Variants in IP6K2 observed in about 807,000 individuals in gnomAD.
The protein encoded by IP6K2 is inositol hexakisphosphate kinase 2.
IP6K2 carries 9 observed loss-of-function variants against 43.3 expected under a neutral mutation model. The observed-to-expected ratio is 0.21, with a 90% confidence interval of 0.13 to 0.36. The LOEUF is 0.36. Ranked by LOEUF, IP6K2 falls within the 10% of genes least tolerant of loss-of-function variation. IP6K2 has a pLI of 1.00. For missense variants in IP6K2, 332 were observed against 538.4 expected (o/e 0.62, Z 3.79); for synonymous variants, 209 against 202.4 (o/e 1.03, Z -0.28).
intron 3 of IP6K2, among the ~76,000 whole-genome samples, chr3:48,692,508 C>T (rs908046909): frequency 6.6e-6 from 1 of 152,338 alleles, no homozygotes; most frequent in East Asian, 1.9e-4. Context: ...ATTACATGTA[C>T]TTTACTTTAT....
chr3:48,697,155 G>C (rs1054114300), intron 1 of IP6K2, among the ~76,000 whole-genome samples: 3 of 151,758 alleles, frequency 2.0e-5, no homozygotes, highest in Non-Finnish European at 4.4e-5. Context: ...TGAGTAGCTG[G>C]GACTACAGGC....
Position 48,695,301 on chromosome 3 carries a change from G to A in IP6K2, c.-10C>T, listed in dbSNP as rs748720088. 8 of 1,598,366 alleles carry A rather than the reference G, an allele frequency of 5.0e-6. No homozygotes were observed. The highest frequency in any genetic ancestry group is 1.7e-5 in the Admixed American group (1 of 58,728). ...TGAAGGCTGGGCTCATCCTCCGGGC[G>A]CAGATGGCGGGGAGATGGGGGAGGC... On this transcript the variant is annotated 5_prime_UTR_variant, in exon 2 of 6. Transcript: ENST00000328631. This position sits in a 1 kb window ranked among gnomAD's most constrained non-coding sequence, Gnocchi z 4.6.
intron 1 of IP6K2, among the ~76,000 whole-genome samples, chr3:48,702,010 C>T (rs1337924497): frequency 6.6e-6 from 1 of 152,208 alleles, no homozygotes; most frequent in Non-Finnish European, 1.5e-5. Context: ...ATCTGCCTCA[C>T]TTTGAGTATC....
chr3:48,693,795 C>T, intron 2 of IP6K2: 2 of 1,065,606 alleles, frequency 1.9e-6, no homozygotes, highest in Non-Finnish European at 2.3e-6. Context: ...TTTTATTGGT[C>T]TTTGCAGTCT....
Position 48,695,551 on chromosome 3 carries a change from C to CCACCCACCTTGG in IP6K2, c.-130-142_-130-131dup. On this transcript the variant is annotated intron_variant, in intron 1 of 5. Transcript: ENST00000328631. This position sits in a 1 kb window ranked among gnomAD's most constrained non-coding sequence, Gnocchi z 4.6. ...GAGTTCTTGCGGGACTCCGCCCATG[C>CCACCCACCTTGG]CACCCACCTTGGCCCCCGCCTTCTC... 1 of 1,209,758 alleles carries CCACCCACCTTGG rather than the reference C, an allele frequency of 8.3e-7. No homozygotes were observed. The highest frequency in any genetic ancestry group is 1.0e-6 in the Non-Finnish European group (1 of 955,610). 74.9% of individuals were successfully genotyped at this position (1,209,758 alleles called of 1,614,324 possible). A position where few individuals can be genotyped will look rare whatever the true frequency, so the allele number is the denominator to read the frequency against.
chr3:48,711,484 T>C (rs1041990160), intron 1 of IP6K2: 3 of 152,192 alleles, frequency 2.0e-5, no homozygotes, highest in African/African-American at 7.2e-5. Context: ...GACACTTTTA[T>C]CCTCATGCTC....
At position 48,688,054 on chromosome 3, in the gene IP6K2, A is replaced by G. The variant is rs1170827211; in HGVS notation, c.*219T>C. ...GAACATATACACTCAGGGAAGAAAG[A>G]GGTATCATCATCAAATGTGGAATGT... is the stretch of plus-strand genomic sequence containing the variant. On this transcript the variant is annotated 3_prime_UTR_variant, in exon 6 of 6. Transcript: ENST00000328631. The surrounding 1 kb of genome is among the most constrained non-coding windows in gnomAD (Gnocchi z 5.1). The G allele has an allele frequency of 1.7e-6, 1 of 587,234 alleles. No homozygotes were observed. Among genetic ancestry groups the G allele is most frequent in the Non-Finnish European group, 3.0e-6 (1 of 329,234 alleles). The allele number at this position is 587,234 out of a possible 1,614,324, so 36.4% of individuals were successfully genotyped here.
chr3:48,697,957 A>C (rs1233659157), intron 1 of IP6K2, among the ~76,000 whole-genome samples: 1 of 152,242 alleles, frequency 6.6e-6, no homozygotes, highest in Non-Finnish European at 1.5e-5. Flanking sequence ...GCTAGGAATC[A>C]GTAAGTTTTC....
chr3:48,710,864 C>T (rs957988939), intron 1 of IP6K2, among the ~76,000 whole-genome samples: 2 of 152,102 alleles, frequency 1.3e-5, no homozygotes, highest in African/African-American at 2.4e-5. Flanking sequence ...CCGCCTCGGC[C>T]GCCCAAAGTG....
At chr3:48,696,268 C>G (rs1173279727) in intron 1 of IP6K2, among the ~76,000 whole-genome samples, 2 of 152,056 alleles carry the variant, frequency 1.3e-5, no homozygotes, top group African/African-American at 4.8e-5. Flanking sequence ...ATTTACTTGT[C>G]CAGGTTGTCT....
At position 48,688,205 on chromosome 3, in the gene IP6K2, C is replaced by A. The variant is rs1247924783; in HGVS notation, c.*68G>T. 2 of 1,556,426 alleles carry A rather than the reference C, an allele frequency of 1.3e-6. No individual in the cohort carries two copies. Among genetic ancestry groups the A allele is most frequent in the African/African-American group, 2.7e-5 (2 of 74,096 alleles). On this transcript the variant is annotated 3_prime_UTR_variant, in exon 6 of 6. Coordinates refer to ENST00000328631, the MANE Select transcript of IP6K2 (RefSeq NM_016291.4). This position sits in a 1 kb window ranked among gnomAD's most constrained non-coding sequence, Gnocchi z 5.1. ...GCCACCACCTGGCCATACTGGCTTCCTCCCTGACGCAGCACAGCTGTGCCT... is the reference window on the plus strand; with the variant it reads ...GCCACCACCTGGCCATACTGGCTTCATCCCTGACGCAGCACAGCTGTGCCT...
chr3:48,704,179 A>G (rs1281418415), intron 1 of IP6K2, among the ~76,000 whole-genome samples: 1 of 152,210 alleles, frequency 6.6e-6, no homozygotes, highest in Non-Finnish European at 1.5e-5. Context: ...GAAACAGTCA[A>G]TGTCTGACTC....
intron 4 of IP6K2, among the ~76,000 whole-genome samples, 168 bp downstream of exon 4, chr3:48,691,139 G>T (rs2077747980): frequency 6.6e-6 from 1 of 152,122 alleles, no homozygotes; most frequent in South Asian, 2.1e-4. Flanking sequence ...CTGCCCTGAG[G>T]GAAGTGATTA....
chr3:48,690,971 GAA>G (rs1290140998), intron 4 of IP6K2, among the ~76,000 whole-genome samples: 1 of 151,990 alleles, frequency 6.6e-6, no homozygotes, highest in Non-Finnish European at 1.5e-5. Context: ...TCAGACTTCT[GAA>G]AAGTCTGAAA....
intron 1 of IP6K2, among the ~76,000 whole-genome samples, chr3:48,710,567 T>C (rs934536980): frequency 6.6e-6 from 1 of 152,192 alleles, no homozygotes; most frequent in South Asian, 2.1e-4. Context: ...GTCCCTTACC[T>C]TTCCCAGGCC....
In IP6K2 at chr3:48,695,891, A is replaced by G. The variant is rs1355194401; in HGVS notation, c.-130-470T>C. Among the ~76,000 whole-genome samples, 1 of 148,030 alleles carries G rather than the reference A, an allele frequency of 6.8e-6. No individual in the cohort carries two copies. Among genetic ancestry groups the G allele is most frequent in the African/African-American group, 2.5e-5 (1 of 40,710 alleles). ...ATATATATATAATTTTTTAATATAT[A>G]TAATTTTTTTTTGAGATGGAGTCTC... On this transcript the variant is annotated intron_variant, in intron 1 of 5. Transcript: ENST00000328631. This position sits in a 1 kb window ranked among gnomAD's most constrained non-coding sequence, Gnocchi z 4.6.
chr3:48,698,116 T>C (rs1431550905), intron 1 of IP6K2, among the ~76,000 whole-genome samples: 1 of 152,208 alleles, frequency 6.6e-6, no homozygotes, highest in Non-Finnish European at 1.5e-5. Context: ...GAGTACATTC[T>C]AACCATTCCA....
At chr3:48,703,974 C>T (rs1397534993) in intron 1 of IP6K2, among the ~76,000 whole-genome samples, 1 of 151,902 alleles carries the variant, frequency 6.6e-6, no homozygotes, top group African/African-American at 2.4e-5. Flanking sequence ...TGCCTGTGAT[C>T]CCAGCTACTT....
chr3:48,689,788 C>T, intron 4 of IP6K2, 75 bp from the exon 5 acceptor site: 1 of 1,318,104 alleles, frequency 7.6e-7, no homozygotes, highest in Non-Finnish European at 1.1e-6. Context: ...GGTACAGTGC[C>T]TTGATGCAGT....
Sources: gnomAD v4.1 joint callset for allele counts (sites outside exome capture counted in the v4.1 genomes callset) on GRCh38, gnomAD v4.1.1 for gene constraint, Gnocchi (gnomAD v3.1) non-coding constraint, MANE v1.5 for transcripts, NCBI Gene and HGNC (gene_info 2026-07-23, HGNC 2026-07-21) for gene names.